FRMD1: variants seen among roughly 807,000 people sequenced by gnomAD.
FRMD1 encodes FERM domain containing 1.
Under a neutral mutation model 54.9 loss-of-function variants are expected in FRMD1, and 51 were observed. That is an observed-to-expected ratio of 0.93 (90% CI 0.74 to 1.17). The LOEUF (loss-of-function observed/expected upper bound fraction) is 1.17. Ranked by LOEUF, FRMD1 falls within the 50% of genes most tolerant of loss-of-function variation. The pLI, the probability that FRMD1 is intolerant of heterozygous loss-of-function variation, is 0.00. For missense variants in FRMD1, 729 were observed against 743.0 expected (o/e 0.98, Z 0.22); for synonymous variants, 324 against 306.4 (o/e 1.06, Z -0.60).
Position 168,060,894 on chromosome 6 carries a change from G to A in FRMD1, c.1209C>T (p.Ala403=), listed in dbSNP as rs750479359. ...CTCTGGATTCCCTGAGCCAGGAGTTGGCCTTGATGCCTGACGTGTAGGAAC... is the reference window on the plus strand; with the variant it reads ...CTCTGGATTCCCTGAGCCAGGAGTTAGCCTTGATGCCTGACGTGTAGGAAC... ...HGSSYTSGIK[A]NSWLRESREM... Residue 403 remains alanine (A), a synonymous_variant, in exon 9 of 11, where the codon GCC becomes GCT. Transcript: ENST00000283309. 1 of 1,613,872 alleles carries A rather than the reference G, an allele frequency of 6.2e-7. No individual in the cohort carries two copies. The highest frequency in any genetic ancestry group is 8.5e-7 in the Non-Finnish European group (1 of 1,180,034).
rs559525437 is a variant in FRMD1, at chr6:168,079,128, C to T, written c.-34G>A. 11 of 1,560,386 alleles carry T rather than the reference C, an allele frequency of 7.0e-6. No homozygotes were observed. Among genetic ancestry groups the T allele is most frequent in the Middle Eastern group, 3.4e-4 (2 of 5,850 alleles). ...TACTCGGCCCTCCCCCGCCATGGGT[C>T]GCAGGTGGGTGCTCAGCACCTCCCA... is the stretch of plus-strand genomic sequence containing the variant. On this transcript the variant is annotated 5_prime_UTR_variant, in exon 1 of 11. Coordinates refer to ENST00000283309, the MANE Select transcript of FRMD1 (RefSeq NM_024919.6).
Position 168,065,089 on chromosome 6 carries a change from G to A in FRMD1, c.462-32C>T, listed in dbSNP as rs201694606. ...GGTGGCAGGGAGTGAGTTCCAGGAC[G>A]ACCGGTGTGGGGACTGCTGGCCCCT... On this transcript the variant is annotated intron_variant, in intron 4 of 10. Coordinates refer to ENST00000283309, the MANE Select transcript of FRMD1 (RefSeq NM_024919.6). The A allele has an allele frequency of 1.5e-5, 24 of 1,576,420 alleles. No homozygotes were observed. The Admixed American group carries it at 1.9e-4, about 12-fold the overall frequency.
intron 1 of FRMD1, among the ~76,000 whole-genome samples, chr6:168,087,321 G>A (rs758329489): frequency 4.7e-4 from 72 of 152,214 alleles, no homozygotes; most frequent in South Asian, 3.5e-3. Context: ...TGCCAACCTC[G>A]CCTCCCAAAG....
intron 2 of FRMD1, among the ~76,000 whole-genome samples, chr6:168,071,432 G>C (rs183533011): frequency 2.0e-5 from 3 of 152,158 alleles, no homozygotes; most frequent in Admixed American, 6.5e-5. Flanking sequence ...GGTGTCCTCG[G>C]GTCAAGAAGG....
chr6:168,080,499 G>A, upstream of FRMD1, among the ~76,000 whole-genome samples: 1 of 152,188 alleles, frequency 6.6e-6, no homozygotes, highest in East Asian at 1.9e-4. Context: ...GATCCTCATG[G>A]CCCTGTGCCA....
intron 5 of FRMD1, among the ~76,000 whole-genome samples, 169 bp from the exon 6 acceptor site, chr6:168,063,925 C>A (rs1212216500): frequency 6.6e-6 from 1 of 152,204 alleles, no homozygotes; most frequent in African/African-American, 2.4e-5. Flanking sequence ...AGTCTCAGTG[C>A]CCACTGTGGC....
Position 168,061,820 on chromosome 6 carries a change from C to T in FRMD1, c.1032G>A (p.Arg344=), listed in dbSNP as rs572119760. ...VRPTLQQLRQ[R]EEAEEKQHYR... ...GCCCAGCCCCACCTTCTGCCTCCTCCCGCTGCCGCAGCTGTTGCAGAGTGG... is the reference window on the plus strand; with the variant it reads ...GCCCAGCCCCACCTTCTGCCTCCTCTCGCTGCCGCAGCTGTTGCAGAGTGG... The change falls in exon 8 of 11, where the codon CGG becomes CGA. Residue 344 remains arginine, a synonymous_variant. Coordinates refer to ENST00000283309, the MANE Select transcript of FRMD1 (RefSeq NM_024919.6). 1.9e-6 allele frequency: 3 copies of T among 1,557,108 alleles called. No individual in the cohort carries two copies. The highest frequency in any genetic ancestry group is 2.7e-5 in the African/African-American group (2 of 73,566).
At chr6:168,058,986 C>T (rs1799567595) in intron 10 of FRMD1, 138 bp downstream of exon 10, 1 of 660,638 alleles carries the variant, frequency 1.5e-6, no homozygotes, top group Non-Finnish European at 2.6e-6. Flanking sequence ...CCCTGACTTG[C>T]CCGCTGCGTC....
upstream of FRMD1, among the ~76,000 whole-genome samples, chr6:168,082,946 G>A (rs1441568683): frequency 3.3e-5 from 5 of 152,108 alleles, no homozygotes; most frequent in African/African-American, 1.2e-4. Flanking sequence ...AGGTTGGGTG[G>A]CTTGTGAGTG....
chr6:168,062,894 C>G lies in FRMD1; in HGVS notation c.870G>C (p.Gln290His). Reference sequence around the variant, plus strand: ...GTGAGGCTGGAGCCCCTTCGGTCACCTGGTAGATGTGCACTCCCCTGAGGG... The same window carrying G: ...GTGAGGCTGGAGCCCCTTCGGTCACGTGGTAGATGTGCACTCCCCTGAGGG... ...GLALRGVHIY[Q>H]GKKLEIQLDG... The change falls in exon 7 of 11, where the codon CAG becomes CAC. Residue 290 changes from glutamine (Q) to histidine (H), a missense_variant and splice_region_variant. Gln to His is a conservative substitution (Grantham distance 24). Transcript: ENST00000283309. 6.2e-7 allele frequency: 1 copy of G among 1,613,838 alleles called. No homozygotes were observed. Among genetic ancestry groups the G allele is most frequent in the Non-Finnish European group, 8.5e-7 (1 of 1,179,790 alleles).
chr6:168,081,108 C>T (rs4708637), upstream of FRMD1, among the ~76,000 whole-genome samples: 3,485 of 152,254 alleles, frequency 0.023, 79 homozygotes, highest in Admixed American at 0.055. Flanking sequence ...CAGTGAAGGC[C>T]GCCGTCCATC....
upstream of FRMD1, among the ~76,000 whole-genome samples, chr6:168,083,598 G>C (rs914101737): frequency 6.6e-6 from 1 of 152,244 alleles, no homozygotes; most frequent in Non-Finnish European, 1.5e-5. Context: ...AAGGGCAGCT[G>C]TGCACTCCCC....
At chr6:168,057,509 G>A (rs1280172842) in intron 10 of FRMD1, 170 bp from the exon 11 acceptor site, 2 of 880,164 alleles carry the variant, frequency 2.3e-6, no homozygotes, top group Non-Finnish European at 3.4e-6. Context: ...ACACACCTCT[G>A]CGAGAGAGGC....
At chr6:168,077,990 G>T (rs1562429501) in intron 1 of FRMD1, among the ~76,000 whole-genome samples, 1 of 152,164 alleles carries the variant, frequency 6.6e-6, no homozygotes, top group Non-Finnish European at 1.5e-5. Context: ...ACTCTATCCC[G>T]AAGCAGACAA....
At chr6:168,073,649 C>T (rs1562424266) in intron 2 of FRMD1, among the ~76,000 whole-genome samples, 1 of 152,172 alleles carries the variant, frequency 6.6e-6, no homozygotes, top group Non-Finnish European at 1.5e-5. Flanking sequence ...GAAAGGCTGG[C>T]TTCTGTCCAC....
At chr6:168,058,542 G>A (rs954587479) in intron 10 of FRMD1, among the ~76,000 whole-genome samples, 1 of 151,322 alleles carries the variant, frequency 6.6e-6, no homozygotes, top group African/African-American at 2.4e-5. Flanking sequence ...TCACCCTCCT[G>A]TGGTGGAGCC....
chr6:168,068,898 C>T (rs116206312), intron 2 of FRMD1, among the ~76,000 whole-genome samples: 4,483 of 152,340 alleles, frequency 0.029, 214 homozygotes, highest in African/African-American at 0.1. Context: ...GTGCCTGGCT[C>T]AGCCCCTCTC....
At chr6:168,074,785 G>C (rs1800496756) in intron 2 of FRMD1, among the ~76,000 whole-genome samples, 1 of 145,664 alleles carries the variant, frequency 6.9e-6, no homozygotes. Flanking sequence ...TGTGTGACTG[G>C]TGTGTGTGTG....
At chr6:168,067,061 G>A (rs745505211) in intron 3 of FRMD1, 12 of 718,572 alleles carry the variant, frequency 1.7e-5, no homozygotes, top group Non-Finnish European at 2.7e-5. Flanking sequence ...GGCTTCGGGC[G>A]GGCACACCTG....
Sources: gnomAD v4.1 joint callset for allele counts (sites outside exome capture counted in the v4.1 genomes callset) on GRCh38, gnomAD v4.1.1 for gene constraint, MANE v1.5 for transcripts, NCBI Gene and HGNC (gene_info 2026-07-23, HGNC 2026-07-21) for gene names.